IFNAR1: variants seen among roughly 807,000 people sequenced by gnomAD.
IFNAR1 encodes the protein interferon alpha and beta receptor subunit 1.
IFNAR1 carries 47 observed loss-of-function variants against 62.1 expected under a neutral mutation model. The observed-to-expected ratio is 0.76, with a 90% CI of 0.60 to 0.97. IFNAR1 has a LOEUF of 0.97. Ranked by LOEUF, IFNAR1 falls within the 50% of genes least tolerant of loss-of-function variation. The probability of loss-of-function intolerance (pLI) is 0.00; values close to 1 mark genes in which losing one functional copy is unlikely to be tolerated. For synonymous variants in IFNAR1, 219 were observed against 226.9 expected (o/e 0.97, Z 0.31); for missense variants, 638 against 654.5 (o/e 0.97, Z 0.27).
At chr21:33,341,244 A>G (rs1003625420) in intron 3 of IFNAR1, 70 bp downstream of exon 3, 1 of 1,186,368 alleles carries the variant, frequency 8.4e-7, no homozygotes, top group Non-Finnish European at 1.2e-6. Flanking sequence ...TTTCCAAGCC[A>G]TTCATTTGCA....
Position 33,349,085 on chromosome 21 carries a change from TAAAAGCGCCTTTTTA to T in IFNAR1, c.789_803del (p.His263_Arg268delinsGln). On this transcript the variant is annotated splice_acceptor_variant and splice_polypyrimidine_tract_variant and coding_sequence_variant and intron_variant, in exon 7 of 11. Transcript: ENST00000270139. LOFTEE classifies it high-confidence loss of function. ...TAATGAATTTAAAAAATATTTGTCT[TAAAAGCGCCTTTTTA>T]AAAAGGAATCCTGGAAACCATTTGT... 1 of 1,561,192 alleles carries T rather than the reference TAAAAGCGCCTTTTTA, an allele frequency of 6.4e-7. No individual in the cohort carries two copies. The highest frequency in any genetic ancestry group is 1.4e-5 in the African/African-American group (1 of 72,762).
At position 33,331,688 on chromosome 21, in the gene IFNAR1, T is replaced by G. The variant is rs17875780; in HGVS notation, c.77-3836T>G. ...TTGGCCTCACAGTCTGGGGTACTGCTTATCCCTAGCTATTCCAAGATTTAG... is the reference window on the plus strand; with the variant it reads ...TTGGCCTCACAGTCTGGGGTACTGCGTATCCCTAGCTATTCCAAGATTTAG... On this transcript the variant is annotated intron_variant, in intron 1 of 10. Transcript: ENST00000270139. Among the ~76,000 whole-genome samples the G allele has an allele frequency of 7.5e-3, 1,138 of 152,272 alleles. 13 individuals are homozygous for G. Among genetic ancestry groups the G allele is most frequent in the African/African-American group, 0.026 (1,077 of 41,538 alleles).
At chr21:33,338,835 C>T (rs563567815) in intron 2 of IFNAR1, among the ~76,000 whole-genome samples, 33 of 151,688 alleles carry the variant, frequency 2.2e-4, no homozygotes, top group African/African-American at 7.7e-4. Flanking sequence ...CTCCGCCTCC[C>T]GGGTTCAAGC....
rs759468229 is a variant in IFNAR1, at chr21:33,341,033, T to C, written c.235T>C (p.Cys79Arg). The C allele has an allele frequency of 3.1e-6, 5 of 1,611,982 alleles. No individual in the cohort carries two copies. In the Admixed American group the frequency reaches 8.4e-5, roughly 27 times the overall value. ...GMDNWIKLSG[C>R]QNITSTKCNF... ...GGATAATTGGATAAAATTGTCTGGG[T>C]GTCAGAATATTACTAGTACCAAATG... is the stretch of plus-strand genomic sequence containing the variant. Residue 79 changes from cysteine (C) to arginine (R), a missense_variant, in exon 3 of 11, where the codon TGT becomes CGT. Physicochemically the swap from Cys to Arg is radical, Grantham distance 180. Coordinates refer to ENST00000270139, the MANE Select transcript of IFNAR1 (RefSeq NM_000629.3).
At chr21:33,337,682 C>CATTGTGT (rs2083252070) in intron 2 of IFNAR1, among the ~76,000 whole-genome samples, 1 of 151,944 alleles carries the variant, frequency 6.6e-6, no homozygotes, top group African/African-American at 2.4e-5. Flanking sequence ...ATATATAATA[C>CATTGTGT]ATACTGTATA....
In IFNAR1 at chr21:33,349,457, C is replaced by T; in HGVS notation, c.1057C>T (p.Pro353Ser). ...TTCATTCCATATCTATATCGGTGCTCCAAAACAGTCTGGAAACACGCCTGT... is the reference window on the plus strand; with the variant it reads ...TTCATTCCATATCTATATCGGTGCTTCAAAACAGTCTGGAAACACGCCTGT... The part of the protein sequence containing the change: ...SDSFHIYIGA[P>S]KQSGNTPVIQ... Residue 353 changes from proline to serine, a missense_variant, in exon 8 of 11, where the codon CCA (proline) becomes TCA (serine). Transcript: ENST00000270139. 1 of 1,611,706 alleles carries T rather than the reference C, an allele frequency of 6.2e-7. No homozygotes were observed. The highest frequency in any genetic ancestry group is 1.7e-5 in the Admixed American group (1 of 59,980).
rs1398587977 is a variant in IFNAR1, at chr21:33,353,836, G to A, written c.1440+53G>A. ...AACAGCTAGGTAATGAACAGAAAAT[G>A]TGTTTGATTTCAACAGGATATATGT... On this transcript the variant is annotated intron_variant, in intron 10 of 10. Transcript: ENST00000270139. 5.8e-6 allele frequency: 7 copies of A among 1,210,422 alleles called. No individual in the cohort carries two copies. In the African/African-American group the frequency reaches 1.1e-4, roughly 19 times the overall value. 75.0% of individuals were successfully genotyped at this position (1,210,422 alleles called of 1,614,324 possible). A position where few individuals can be genotyped will look rare whatever the true frequency, so the allele number is the denominator to read the frequency against.
chr21:33,349,553 CTG>C lies in IFNAR1; in HGVS notation c.1143+12_1143+13del, dbSNP rs1400073093. ...CACTTCAAATGCTGAGGTAAAAAGA[CTG>C]TATAGTATAATTTTGTAACTTAGAG... On this transcript the variant is annotated intron_variant, in intron 8 of 10. Transcript: ENST00000270139. 1 of 1,552,966 alleles carries C rather than the reference CTG, an allele frequency of 6.4e-7. No individual in the cohort carries two copies. The highest frequency in any genetic ancestry group is 2.2e-5 in the East Asian group (1 of 44,508).
At chr21:33,338,903 C>T (rs547220315) in intron 2 of IFNAR1, among the ~76,000 whole-genome samples, 98 of 151,928 alleles carry the variant, frequency 6.5e-4, no homozygotes, top group African/African-American at 2.3e-3. Flanking sequence ...CCCCCACGCC[C>T]GGCTAATTTT....
At chr21:33,324,895 G>A (rs180857741), upstream of IFNAR1, 3 of 634,186 alleles carry the variant, frequency 4.7e-6, no homozygotes, top group Non-Finnish European at 8.5e-6. Context: ...GAGGGGCGGT[G>A]TGTGTGTCAG....
chr21:33,325,250 C>T (rs766979376), intron 1 of IFNAR1, 119 bp downstream of exon 1: 2 of 866,274 alleles, frequency 2.3e-6, no homozygotes, highest in East Asian at 2.6e-5. Flanking sequence ...CTTCGGTCCA[C>T]TTTGCCGCGC....
At chr21:33,324,898 T>C (rs1423917271), upstream of IFNAR1, 3 of 632,190 alleles carry the variant, frequency 4.7e-6, no homozygotes, top group Non-Finnish European at 8.5e-6. Context: ...GGGCGGTGTG[T>C]GTGTCAGAAG....
chr21:33,340,074 T>G (rs904739448), intron 2 of IFNAR1, among the ~76,000 whole-genome samples: 18 of 152,150 alleles, frequency 1.2e-4, no homozygotes, highest in African/African-American at 4.3e-4. Context: ...GTTTGCCCCT[T>G]TTTTGAAAGG....
intron 8 of IFNAR1, among the ~76,000 whole-genome samples, chr21:33,351,812 G>A (rs2083400301): frequency 6.6e-6 from 1 of 151,914 alleles, no homozygotes; most frequent in Non-Finnish European, 1.5e-5. Context: ...GATTTCCTCA[G>A]CCTCCCAAGT....
chr21:33,354,881 C>T (rs2083432747), intron 10 of IFNAR1, among the ~76,000 whole-genome samples: 2 of 152,046 alleles, frequency 1.3e-5, no homozygotes, highest in South Asian at 4.1e-4. Flanking sequence ...CTGTAATATT[C>T]ATAGCTATTA....
At chr21:33,339,842 T>C (rs1200532962) in intron 2 of IFNAR1, among the ~76,000 whole-genome samples, 1 of 149,124 alleles carries the variant, frequency 6.7e-6, no homozygotes, top group Admixed American at 6.8e-5. Flanking sequence ...GCAGGAGAAT[T>C]GCTTGAACCT....
intron 10 of IFNAR1, among the ~76,000 whole-genome samples, chr21:33,354,316 T>C (rs2083428161): frequency 6.6e-6 from 1 of 152,208 alleles, no homozygotes; most frequent in South Asian, 2.1e-4. Context: ...CACTCCAGCC[T>C]GGGTGACAGA....
In IFNAR1 at chr21:33,358,276, A is replaced by G. The variant is rs1288427222; in HGVS notation, c.*2727A>G. ...GTTCTACATGTTGCTTTATCAGTAT[A>G]TGCTTAGCTGTAAGTGACAAGTATT... On this transcript the variant is annotated 3_prime_UTR_variant, in exon 11 of 11. Coordinates refer to ENST00000270139, the MANE Select transcript of IFNAR1 (RefSeq NM_000629.3). 1 of 152,212 alleles carries G rather than the reference A, an allele frequency of 6.6e-6. No homozygotes were observed. The highest frequency in any genetic ancestry group is 2.4e-5 in the African/African-American group (1 of 41,452). 9.4% of individuals were successfully genotyped at this position (152,212 alleles called of 1,614,324 possible).
At chr21:33,334,257 G>T (rs1186405100) in intron 1 of IFNAR1, among the ~76,000 whole-genome samples, 1 of 152,094 alleles carries the variant, frequency 6.6e-6, no homozygotes, top group South Asian at 2.1e-4. Flanking sequence ...CCCACTCTCA[G>T]CTTCGGACAG....
Sources: gnomAD v4.1 joint callset for allele counts (sites outside exome capture counted in the v4.1 genomes callset) on GRCh38, gnomAD v4.1.1 for gene constraint, MANE v1.5 for transcripts, NCBI Gene and HGNC (gene_info 2026-07-23, HGNC 2026-07-21) for gene names.